The following TMEM8B variants were observed in gnomAD, a reference collection of about 807,000 sequenced individuals.
The protein encoded by TMEM8B is nasopharyngeal carcinoma expressed 6.
A neutral mutation model predicts 49.3 loss-of-function variants in TMEM8B; 29 were observed. The ratio of observed to expected loss-of-function variants is 0.59; its 90% CI spans 0.44 to 0.80. TMEM8B has a LOEUF of 0.80. Ranked by LOEUF, TMEM8B falls within the 30% of genes least tolerant of loss-of-function variation. The pLI is 0.00. For synonymous variants in TMEM8B, 264 were observed against 272.8 expected (o/e 0.97, Z 0.32); for missense variants, 575 against 658.5 (o/e 0.87, Z 1.39).
At position 35,835,345 on chromosome 9, in the gene TMEM8B, C is replaced by T. The variant is rs75852305; in HGVS notation, c.906+127C>T. On this transcript the variant is annotated intron_variant, in intron 3 of 12. Transcript: ENST00000643932. ...GGCAGCAGCACAAGGGTGGCTGGGG[C>T]GGGGCATGGCTAAAGGCCAGCAGGT... 979 of 400,858 alleles carry T rather than the reference C, an allele frequency of 2.4e-3. 7 individuals carry two copies. The highest frequency in any genetic ancestry group is 0.018 in the African/African-American group (868 of 48,788). The allele number at this position is 400,858 out of a possible 1,614,324, so 24.8% of individuals were successfully genotyped here.
rs772955704 is a variant in TMEM8B, at chr9:35,853,594, C to T, written c.2529C>T (p.Gly843=). 5 of 1,614,250 alleles carry T rather than the reference C, an allele frequency of 3.1e-6. No homozygotes were observed. The South Asian group carries it at 5.5e-5, about 18-fold the overall frequency. ...FYLCPGSLIA[G]SAVLLYAFVE... ...TGTGCCCTGGCAGCCTTATTGCAGG[C>T]AGTGCCGTCCTGCTTTATGCTTTTG... The change falls in exon 13 of 13, where the codon GGC becomes GGT. Residue 843 remains glycine, a synonymous_variant. Transcript: ENST00000643932. The surrounding 1 kb of genome is among the most constrained non-coding windows in gnomAD (Gnocchi z 4.2).
chr9:35,845,910 CTG>C (rs1302241449), intron 6 of TMEM8B, 63 bp from the exon 7 acceptor site: 1 of 1,608,410 alleles, frequency 6.2e-7, no homozygotes, highest in Non-Finnish European at 8.5e-7. Context: ...GGGTGGGAGT[CTG>C]AGGGTGGCGG....
rs1010451937 is a variant in TMEM8B at position 35,842,421 on chromosome 9, C to G, written c.1339C>G (p.Leu447Val). 1 of 1,546,124 alleles carries G rather than the reference C, an allele frequency of 6.5e-7. No individual in the cohort carries two copies. Among genetic ancestry groups the G allele is most frequent in the Non-Finnish European group, 8.7e-7 (1 of 1,143,874 alleles). ...ECPQPGLLRALVPGAAMNMPQ... is the reference protein window; with the variant it reads ...ECPQPGLLRAVVPGAAMNMPQ... ...CCCACAGCCCGGCCTGCTCCGAGCC[C>G]TGGTCCCTGGAGCTGCCATGAACAT... The change falls in exon 6 of 13, where the codon CTG becomes GTG. Residue 447 changes from leucine (L) to valine (V), a missense_variant. Leu to Val is a conservative substitution (Grantham distance 32). Coordinates refer to ENST00000643932, the MANE Select transcript of TMEM8B (RefSeq NM_001042590.4). The surrounding 1 kb of genome is among the most constrained non-coding windows in gnomAD (Gnocchi z 5.6).
rs1588145804 is a variant in TMEM8B, at chr9:35,841,156, A to C, written c.929A>C (p.Tyr310Ser). 2.4e-6 allele frequency: 1 copy of C among 415,222 alleles called. No individual in the cohort carries two copies. The highest frequency in any genetic ancestry group is 2.1e-5 in the African/African-American group (1 of 48,550). 25.7% of individuals were successfully genotyped at this position (415,222 alleles called of 1,614,324 possible). The change falls in exon 4 of 13, where the codon TAC (tyrosine) becomes TCC (serine). Residue 310 changes from tyrosine (Y) to serine (S), a missense_variant. Coordinates refer to ENST00000643932, the MANE Select transcript of TMEM8B (RefSeq NM_001042590.4). This position sits in a 1 kb window ranked among gnomAD's most constrained non-coding sequence, Gnocchi z 5.9. ...CAGGGTCTCCAGGATGAGTGTCAGT[A>C]CCTCCTTCAGCCGCAGCTGATTGTC... The part of the protein sequence containing the change: ...SVKGLQDECQ[Y>S]LLQPQLIVRR...
chr9:35,842,558 G>A lies in TMEM8B; in HGVS notation c.1476G>A (p.Pro492=), dbSNP rs548793454. 1.1e-5 allele frequency: 17 copies of A among 1,614,198 alleles called. No homozygotes were observed. In the African/African-American group the frequency reaches 1.1e-4, roughly 10 times the overall value. The change falls in exon 6 of 13, where the codon CCG becomes CCA. Residue 492 remains proline, a synonymous_variant. Coordinates refer to ENST00000643932, the MANE Select transcript of TMEM8B (RefSeq NM_001042590.4). This position sits in a 1 kb window ranked among gnomAD's most constrained non-coding sequence, Gnocchi z 5.6. ...SPPEHCWPVR[P]TLRNELDTFS... is the part of the protein sequence containing the mutation. ...CCGAGCACTGCTGGCCAGTGCGCCCGACTCTGCGCAACGAGCTGGACACCT... is the reference window on the plus strand; with the variant it reads ...CCGAGCACTGCTGGCCAGTGCGCCCAACTCTGCGCAACGAGCTGGACACCT...
chr9:35,848,675 CT>C (rs34593597), intron 10 of TMEM8B, among the ~76,000 whole-genome samples: 183 of 132,118 alleles, frequency 1.4e-3, no homozygotes, highest in South Asian at 3.6e-3. Context: ...TGTTTTTTTT[CT>C]TTTTTTTTTT....
rs1381183059 is a variant in TMEM8B, at chr9:35,854,656, G to A, written c.*816G>A. On this transcript the variant is annotated 3_prime_UTR_variant, in exon 13 of 13. Transcript: ENST00000643932. ...GCCCGATTTGCAGTATCTGAGGGGT[G>A]TGTGTGTGTGTGTGTGTGTTTATGT... 6.6e-6 allele frequency: 1 copy of A among 150,746 alleles called. No homozygotes were observed. Among genetic ancestry groups the A allele is most frequent in the African/African-American group, 2.4e-5 (1 of 41,082 alleles). 9.3% of individuals were successfully genotyped at this position (150,746 alleles called of 1,614,324 possible). A position where few individuals can be genotyped will look rare whatever the true frequency, so the allele number is the denominator to read the frequency against.
chr9:35,856,142 G>A lies in TMEM8B; in HGVS notation c.*2302G>A, dbSNP rs1832538163. ...GCCATGATGCTAAGATAATGGGAGA[G>A]TGTTCTTTGTGGTCACCAGTGTCCA... On this transcript the variant is annotated 3_prime_UTR_variant, in exon 13 of 13. Transcript: ENST00000643932. 1 of 152,234 alleles carries A rather than the reference G, an allele frequency of 6.6e-6. No homozygotes were observed. 9.4% of individuals were successfully genotyped at this position (152,234 alleles called of 1,614,324 possible).
In TMEM8B at chr9:35,846,248, C is replaced by T; in HGVS notation, c.1730-10C>T. ...CCTCCCTCTCACTGACTCCTTCCTT[C>T]TCCCTTCAGAGTCCCTGGCCGGCTT... On this transcript the variant is annotated splice_polypyrimidine_tract_variant and intron_variant, in intron 7 of 12. Coordinates refer to ENST00000643932, the MANE Select transcript of TMEM8B (RefSeq NM_001042590.4). 2 of 1,614,128 alleles carry T rather than the reference C, an allele frequency of 1.2e-6. No individual in the cohort carries two copies. Among genetic ancestry groups the T allele is most frequent in the Non-Finnish European group, 1.7e-6 (2 of 1,179,986 alleles).
chr9:35,832,203 G>A (rs559936920), intron 1 of TMEM8B, among the ~76,000 whole-genome samples: 2 of 149,940 alleles, frequency 1.3e-5, no homozygotes, highest in East Asian at 2.0e-4. Context: ...GTGTGTGTAT[G>A]TGTATGTGTG....
At position 35,853,812 on chromosome 9, in the gene TMEM8B, C is replaced by T. The variant is rs775662346; in HGVS notation, c.2747C>T (p.Ala916Val). The change falls in exon 13 of 13, where the codon GCC becomes GTC. Residue 916 changes from alanine (A) to valine (V), a missense_variant. Physicochemically the swap from Ala to Val is moderately conservative, Grantham distance 64 (BLOSUM62 0). Coordinates refer to ENST00000643932, the MANE Select transcript of TMEM8B (RefSeq NM_001042590.4). The surrounding 1 kb of genome is among the most constrained non-coding windows in gnomAD (Gnocchi z 4.2). The part of the protein sequence containing the change: ...EELGLVGPGG[A>V]TVSSICAS ...CTGGGCCTCGTGGGCCCAGGAGGGG[C>T]CACTGTCAGCAGCATCTGTGCCAGC... 7 of 1,552,444 alleles carry T rather than the reference C, an allele frequency of 4.5e-6. No individual in the cohort carries two copies. The highest frequency in any genetic ancestry group is 6.1e-6 in the Non-Finnish European group (7 of 1,151,764).
In TMEM8B at chr9:35,855,801, A is replaced by C. The variant is rs778705262; in HGVS notation, c.*1961A>C. ...CATGCCTTTGTTATCTGCTTTCTGC[A>C]ATCACGTCTCTTCCATGGGGCACTG... On this transcript the variant is annotated 3_prime_UTR_variant, in exon 13 of 13. Transcript: ENST00000643932. 14 of 152,274 alleles carry C rather than the reference A, an allele frequency of 9.2e-5. No homozygotes were observed. Among genetic ancestry groups the C allele is most frequent in the Non-Finnish European group, 1.8e-4 (12 of 68,072 alleles). 9.4% of individuals were successfully genotyped at this position (152,274 alleles called of 1,614,324 possible). A position where few individuals can be genotyped will look rare whatever the true frequency, so the allele number is the denominator to read the frequency against.
Position 35,859,679 on chromosome 9 carries a change from G to A in TMEM8B, c.*5839G>A. 1 of 159,408 alleles carries A rather than the reference G, an allele frequency of 6.3e-6. No individual in the cohort carries two copies. The highest frequency in any genetic ancestry group is 1.4e-5 in the Non-Finnish European group (1 of 69,172). The allele number at this position is 159,408 out of a possible 1,614,324, so 9.9% of individuals were successfully genotyped here. On this transcript the variant is annotated 3_prime_UTR_variant, in exon 13 of 13. Coordinates refer to ENST00000643932, the MANE Select transcript of TMEM8B (RefSeq NM_001042590.4). ...CCGTTGATCCCAGCGCCAGGGTCAGGTACATCTGCAGGGCACAGCCAGGGA... is the reference window on the plus strand; with the variant it reads ...CCGTTGATCCCAGCGCCAGGGTCAGATACATCTGCAGGGCACAGCCAGGGA...
intron 10 of TMEM8B, among the ~76,000 whole-genome samples, chr9:35,848,675 C>CTT (rs34593597): frequency 0.025 from 3,362 of 132,078 alleles, 66 homozygotes; most frequent in Non-Finnish European, 0.034. Flanking sequence ...TGTTTTTTTT[C>CTT]TTTTTTTTTT....
In TMEM8B at chr9:35,842,418, GC is replaced by G. The variant is rs1564027953; in HGVS notation, c.1339del (p.Leu447TrpfsTer7). ...QECPQPGLLRALVPGAAMNMP... is the reference protein window; with the variant it reads ...QECPQPGLLRXLVPGAAMNMP... ...GTGCCCACAGCCCGGCCTGCTCCGA[GC>G]CCTGGTCCCTGGAGCTGCCATGAAC... On this transcript the variant is annotated frameshift_variant, in exon 6 of 13. Coordinates refer to ENST00000643932, the MANE Select transcript of TMEM8B (RefSeq NM_001042590.4). LOFTEE classifies it high-confidence loss of function. The surrounding 1 kb of genome is among the most constrained non-coding windows in gnomAD (Gnocchi z 5.6). The G allele has an allele frequency of 6.5e-7, 1 of 1,544,372 alleles. No homozygotes were observed. Among genetic ancestry groups the G allele is most frequent in the Admixed American group, 1.9e-5 (1 of 52,114 alleles).
chr9:35,830,791 C>T (rs1829803300), intron 1 of TMEM8B, among the ~76,000 whole-genome samples: 2 of 152,218 alleles, frequency 1.3e-5, no homozygotes, highest in African/African-American at 4.8e-5. Context: ...ATTTGCCAGG[C>T]GTCAGCCAAG....
intron 10 of TMEM8B, 131 bp downstream of exon 10, chr9:35,847,126 C>G: frequency 6.2e-7 from 1 of 1,614,170 alleles, no homozygotes; most frequent in Non-Finnish European, 8.5e-7. Context: ...CAGACAGAGA[C>G]AGCAGTGCTT....
chr9:35,846,671 T>C (rs1156535778), intron 9 of TMEM8B, 60 bp downstream of exon 9: 1 of 1,558,162 alleles, frequency 6.4e-7, no homozygotes, highest in East Asian at 2.3e-5. Context: ...GCTGGGCCTG[T>C]GGGCAGGCGG....
intron 1 of TMEM8B, among the ~76,000 whole-genome samples, chr9:35,832,032 T>C (rs1402187883): frequency 1.3e-5 from 2 of 152,178 alleles, no homozygotes; most frequent in Admixed American, 6.5e-5. Context: ...GTGGTCCCAC[T>C]CCTGATCCTT....
Sources: allele counts gnomAD v4.1 joint callset (sites outside exome capture counted in the v4.1 genomes callset), GRCh38; gene constraint gnomAD v4.1.1; non-coding constraint Gnocchi (gnomAD v3.1); transcripts MANE v1.5; gene names NCBI Gene and HGNC (gene_info 2026-07-23, HGNC 2026-07-21).